The following RFX7 variants were observed in gnomAD, a reference collection of about 807,000 sequenced individuals.
The protein encoded by RFX7 is regulatory factor X7.
A neutral mutation model predicts 111.8 loss-of-function variants in RFX7; 26 were observed. The observed-to-expected ratio is 0.23, with a 90% CI of 0.17 to 0.32. The LOEUF (loss-of-function observed/expected upper bound fraction) is 0.32, where lower values mean the gene tolerates loss of function less well. Ranked by LOEUF, RFX7 falls within the 10% of genes least tolerant of loss-of-function variation. RFX7 has a pLI of 1.00. For synonymous variants in RFX7, 624 were observed against 624.4 expected, an observed-to-expected ratio of 1.00 and a Z score of 0.01; for missense variants, 1,573 against 1,772.9, an observed-to-expected ratio of 0.89 and a Z score of 2.02.
chr15:56,199,032 A>T (rs1197077057), intron 2 of RFX7, among the ~76,000 whole-genome samples: 2 of 152,094 alleles, frequency 1.3e-5, no homozygotes, highest in African/African-American at 4.8e-5. Flanking sequence ...GAGAGGAAGG[A>T]CTTAGCAGAT....
At chr15:56,199,511 GTTTTCTT>G (rs1596004361) in intron 2 of RFX7, among the ~76,000 whole-genome samples, 1 of 152,052 alleles carries the variant, frequency 6.6e-6, no homozygotes, top group African/African-American at 2.4e-5. Context: ...TGCCTTCCCT[GTTTTCTT>G]TAATGCAAGC....
chr15:56,222,285 TG>T, intron 2 of RFX7, among the ~76,000 whole-genome samples: 1 of 152,300 alleles, frequency 6.6e-6, no homozygotes, highest in African/African-American at 2.4e-5. Flanking sequence ...CCCCTCTAGC[TG>T]TCTTTAAGAT....
chr15:56,136,960 A>C (rs1286597368), intron 5 of RFX7, among the ~76,000 whole-genome samples: 11 of 149,988 alleles, frequency 7.3e-5, no homozygotes, highest in African/African-American at 2.2e-4. Flanking sequence ...CATCCCAGGG[A>C]TGAAGCCCAC....
chr15:56,172,600 G>A (rs1279847873), intron 3 of RFX7, among the ~76,000 whole-genome samples: 4 of 152,150 alleles, frequency 2.6e-5, no homozygotes, highest in Non-Finnish European at 4.4e-5. Flanking sequence ...AACAGGTATA[G>A]AATTGAGCAA....
At chr15:56,180,103 A>G (rs979028351) in intron 2 of RFX7, among the ~76,000 whole-genome samples, 1 of 152,250 alleles carries the variant, frequency 6.6e-6, no homozygotes, top group Admixed American at 6.5e-5. Flanking sequence ...CAATCTTTAA[A>G]AGATGTTAAA....
At position 56,087,566 on chromosome 15, in the gene RFX7, T is replaced by C; in HGVS notation, c.*5779A>G. ...TACATCTCTTTGAGTACTTGGTAAG[T>C]GTCTCCACTTAACTGCAAGGGAAGT... On this transcript the variant is annotated 3_prime_UTR_variant, in exon 10 of 10. Coordinates refer to ENST00000559447, the MANE Select transcript of RFX7 (RefSeq NM_022841.7). 1 of 456,664 alleles carries C rather than the reference T, an allele frequency of 2.2e-6. No homozygotes were observed. The highest frequency in any genetic ancestry group is 1.5e-5 in the South Asian group (1 of 64,548). 28.3% of individuals were successfully genotyped at this position (456,664 alleles called of 1,614,324 possible).
At chr15:56,196,081 C>A (rs1360969477) in intron 2 of RFX7, among the ~76,000 whole-genome samples, 2 of 152,060 alleles carry the variant, frequency 1.3e-5, no homozygotes, top group Non-Finnish European at 2.9e-5. Flanking sequence ...AATGAATTTT[C>A]AACTTCTATT....
chr15:56,111,105 T>G (rs1254308264), intron 5 of RFX7, among the ~76,000 whole-genome samples: 20 of 129,794 alleles, frequency 1.5e-4, no homozygotes, highest in East Asian at 2.7e-4. Flanking sequence ...TACTGGGAAG[T>G]GAGGAGCCCC....
At chr15:56,131,271 C>CTTTTTTTTTTTTTTTTTTTTTTTTTTTTT (rs140251962) in intron 5 of RFX7, among the ~76,000 whole-genome samples, 1 of 74,016 alleles carries the variant, frequency 1.4e-5, no homozygotes. Context: ...TATTAGGTAT[C>CTTTTTTTTTTTTTTTTTTTTTTTTTTTTT]TTTTTTTTTT....
chr15:56,181,371 C>G (rs2042971392), intron 2 of RFX7, among the ~76,000 whole-genome samples: 1 of 152,200 alleles, frequency 6.6e-6, no homozygotes, highest in Admixed American at 6.5e-5. Context: ...TACTCCCAGT[C>G]ACTCGCTATA....
At chr15:56,150,143 C>G (rs1042927278) in intron 3 of RFX7, among the ~76,000 whole-genome samples, 3 of 152,214 alleles carry the variant, frequency 2.0e-5, no homozygotes, top group Non-Finnish European at 4.4e-5. Flanking sequence ...CCCACTGCAG[C>G]TCAGCAAGGC....
chr15:56,165,722 G>T (rs1220139784), intron 3 of RFX7, among the ~76,000 whole-genome samples: 2 of 152,116 alleles, frequency 1.3e-5, no homozygotes, highest in Admixed American at 6.6e-5. Flanking sequence ...AAAAATATAG[G>T]CTACCTGCAT....
At chr15:56,230,658 A>G (rs1346305719) in intron 2 of RFX7, among the ~76,000 whole-genome samples, 3 of 152,272 alleles carry the variant, frequency 2.0e-5, no homozygotes, top group African/African-American at 4.8e-5. Flanking sequence ...TTATTAGAAC[A>G]GCACTGGAAA....
intron 2 of RFX7, among the ~76,000 whole-genome samples, chr15:56,193,697 G>A (rs551562796): frequency 6.6e-6 from 1 of 152,092 alleles, no homozygotes; most frequent in African/African-American, 2.4e-5. Flanking sequence ...TTACCAGAAT[G>A]TTATTGATAT....
intron 2 of RFX7, among the ~76,000 whole-genome samples, chr15:56,206,195 G>A (rs192110758): frequency 4.5e-4 from 69 of 152,022 alleles, no homozygotes; most frequent in African/African-American, 1.2e-3. Flanking sequence ...TGTGTCTATT[G>A]ATGGATAAAT....
intron 2 of RFX7, among the ~76,000 whole-genome samples, chr15:56,191,731 G>C (rs1275082213): frequency 2.0e-5 from 3 of 152,078 alleles, no homozygotes; most frequent in African/African-American, 7.2e-5. Context: ...ACGATCTGTG[G>C]AACTGAATGA....
intron 2 of RFX7, among the ~76,000 whole-genome samples, chr15:56,229,664 A>G: frequency 6.6e-6 from 1 of 152,198 alleles, no homozygotes; most frequent in East Asian, 1.9e-4. Flanking sequence ...AGTTTCTGTT[A>G]TAGCAATTCT....
intron 5 of RFX7, among the ~76,000 whole-genome samples, chr15:56,103,985 T>C (rs1310612503): frequency 1.3e-5 from 2 of 152,212 alleles, no homozygotes; most frequent in Non-Finnish European, 2.9e-5. Context: ...GCTCAGCCAG[T>C]AGGGCTGTAA....
chr15:56,106,125 T>G (rs1459816606), intron 5 of RFX7, among the ~76,000 whole-genome samples: 1 of 152,186 alleles, frequency 6.6e-6, no homozygotes, highest in Non-Finnish European at 1.5e-5. Context: ...CCCAGTAATT[T>G]AAAAGAGCTC....
Sources: gnomAD v4.1 joint callset for allele counts (sites outside exome capture counted in the v4.1 genomes callset) on GRCh38, gnomAD v4.1.1 for gene constraint, MANE v1.5 for transcripts, NCBI Gene and HGNC (gene_info 2026-07-23, HGNC 2026-07-21) for gene names.